QTRT2: variants seen among roughly 807,000 people sequenced by gnomAD.
The protein encoded by QTRT2 is queuine tRNA-ribosyltransferase accessory subunit 2, also known as queuine tRNA-ribosyltransferase domain containing 1.
Under a neutral mutation model 44.8 loss-of-function variants are expected in QTRT2, and 32 were observed. The observed-to-expected ratio is 0.71, with a 90% CI of 0.54 to 0.96. The LOEUF (loss-of-function observed/expected upper bound fraction) is 0.96. QTRT2 is among the 40% of genes least tolerant of loss of function. The pLI is 0.00. For synonymous variants in QTRT2, 182 were observed against 187.4 expected, an observed-to-expected ratio of 0.97 and a Z score of 0.24; for missense variants, 461 against 503.1, an observed-to-expected ratio of 0.92 and a Z score of 0.80.
intron 5 of QTRT2, 100 bp downstream of exon 5, chr3:114,068,163 C>G (rs1257213841): frequency 2.2e-6 from 2 of 919,118 alleles, no homozygotes; most frequent in Non-Finnish European, 3.6e-6. Flanking sequence ...TGGGATGATC[C>G]CTTATACCTT....
intron 2 of QTRT2, among the ~76,000 whole-genome samples, chr3:114,062,486 G>T (rs1009249388): frequency 6.6e-6 from 1 of 152,112 alleles, no homozygotes; most frequent in African/African-American, 2.4e-5. Context: ...CAATAAAATG[G>T]CAGAAGGGGT....
rs2076794151 is a variant in QTRT2, at chr3:114,056,740, A to G, written c.-254A>G. 2.2e-6 allele frequency: 3 copies of G among 1,391,676 alleles called. No homozygotes were observed. Among genetic ancestry groups the G allele is most frequent in the Admixed American group, 2.2e-5 (1 of 45,348 alleles). 86.2% of individuals were successfully genotyped at this position (1,391,676 alleles called of 1,614,324 possible). ...TTCTGGCGCCCAGTGATGACGCAGT[A>G]CTCCCTGATTGGCTCTGCACTGGAG... On this transcript the variant is annotated 5_prime_UTR_variant, in exon 1 of 10. Transcript: ENST00000281273.
chr3:114,081,559 T>C (rs921024365), intron 8 of QTRT2, among the ~76,000 whole-genome samples: 2 of 152,094 alleles, frequency 1.3e-5, no homozygotes, highest in Non-Finnish European at 2.9e-5. Flanking sequence ...CACCTCAGCC[T>C]CCCGAGTAGC....
chr3:114,083,149 A>G (rs1187577484), intron 9 of QTRT2: 1 of 260,782 alleles, frequency 3.8e-6, no homozygotes, highest in African/African-American at 2.3e-5. Flanking sequence ...TTTGTTAGAT[A>G]CAGGCTGTAA....
chr3:114,058,389 G>A (rs1344363023), intron 2 of QTRT2, among the ~76,000 whole-genome samples: 1 of 151,900 alleles, frequency 6.6e-6, no homozygotes, highest in African/African-American at 2.4e-5. Context: ...GTCATTAATC[G>A]TTTAACAGTT....
intron 8 of QTRT2, among the ~76,000 whole-genome samples, chr3:114,082,070 C>T (rs1041670718): frequency 1.1e-4 from 16 of 151,862 alleles, no homozygotes; most frequent in Non-Finnish European, 2.4e-4. Flanking sequence ...AGTCTGGGTT[C>T]CCTAGAGGGC....
chr3:114,074,867 A>G (rs1371492867), intron 6 of QTRT2, among the ~76,000 whole-genome samples: 1 of 152,242 alleles, frequency 6.6e-6, no homozygotes, highest in African/African-American at 2.4e-5. Flanking sequence ...CTATAAATGC[A>G]TATATTGCTA....
At position 114,087,509 on chromosome 3, in the gene QTRT2, G is replaced by A. The variant is rs1028808857; in HGVS notation, c.*1605G>A. 1 of 152,178 alleles carries A rather than the reference G, an allele frequency of 6.6e-6. No homozygotes were observed. Among genetic ancestry groups the A allele is most frequent in the Non-Finnish European group, 1.5e-5 (1 of 68,112 alleles). 9.4% of individuals were successfully genotyped at this position (152,178 alleles called of 1,614,324 possible). A position where few individuals can be genotyped will look rare whatever the true frequency, so the allele number is the denominator to read the frequency against. On this transcript the variant is annotated 3_prime_UTR_variant, in exon 10 of 10. Coordinates refer to ENST00000281273, the MANE Select transcript of QTRT2 (RefSeq NM_024638.4). ...TTCTCCTGCCTCAGCCTCCCGAGTAGCTGGGACTACAGGCGCCCGCCACCA... is the reference window on the plus strand; with the variant it reads ...TTCTCCTGCCTCAGCCTCCCGAGTAACTGGGACTACAGGCGCCCGCCACCA...
chr3:114,057,097 C>T lies in QTRT2; in HGVS notation c.-31C>T, dbSNP rs1443923808. The T allele has an allele frequency of 1.5e-6, 2 of 1,351,148 alleles. No individual in the cohort carries two copies. Among genetic ancestry groups the T allele is most frequent in the Non-Finnish European group, 1.9e-6 (2 of 1,053,598 alleles). The allele number at this position is 1,351,148 out of a possible 1,614,324, so 83.7% of individuals were successfully genotyped here. ...TAAAAGGGCCCCTTTCGACTAGCCT[C>T]TGCTGAAAGGTAGAGTTTTCAGGAA... On this transcript the variant is annotated 5_prime_UTR_variant, in exon 2 of 10. Transcript: ENST00000281273.
intron 9 of QTRT2, 186 bp downstream of exon 9, chr3:114,082,980 G>A (rs527829909): frequency 3.2e-5 from 18 of 569,830 alleles, no homozygotes; most frequent in Non-Finnish European, 4.5e-5. Context: ...TGTAGACTTC[G>A]TCTTGTCAGA....
Position 114,062,908 on chromosome 3 carries a change from T to C in QTRT2, c.-21-2329T>C, listed in dbSNP as rs533220948. Reference sequence around the variant, plus strand: ...TTCATGTGTGTACATTTAAACTCTTTACATACTTTACACAGCTCAGATGAG... The same window carrying C: ...TTCATGTGTGTACATTTAAACTCTTCACATACTTTACACAGCTCAGATGAG... On this transcript the variant is annotated intron_variant, in intron 2 of 9. Coordinates refer to ENST00000281273, the MANE Select transcript of QTRT2 (RefSeq NM_024638.4). 4.6e-5 allele frequency among the ~76,000 whole-genome samples: 7 copies of C among 152,374 alleles called. No homozygotes were observed. The South Asian group carries it at 1.0e-3, about 23-fold the overall frequency.
chr3:114,078,278 G>A (rs1559959949), intron 7 of QTRT2: 1 of 152,180 alleles, frequency 6.6e-6, no homozygotes, highest in African/African-American at 2.4e-5. Flanking sequence ...ACAGATGTCT[G>A]TTACTGAATT....
intron 6 of QTRT2, among the ~76,000 whole-genome samples, chr3:114,072,795 A>G (rs1344407163): frequency 6.6e-6 from 1 of 152,182 alleles, no homozygotes; most frequent in Non-Finnish European, 1.5e-5. Flanking sequence ...ATGTTTGCTG[A>G]TGGTGAATGG....
chr3:114,068,287 CA>C (rs1456570239), intron 5 of QTRT2: 19 of 394,064 alleles, frequency 4.8e-5, no homozygotes, highest in African/African-American at 1.4e-4. Context: ...TTCATTGTTG[CA>C]AAAAAATTTG....
At chr3:114,066,351 CTT>C (rs914596654) in intron 4 of QTRT2, 68 bp downstream of exon 4, 8 of 878,860 alleles carry the variant, frequency 9.1e-6, no homozygotes, top group Non-Finnish European at 1.5e-5. Context: ...GCTGTTACCT[CTT>C]TGATCTTTCA....
At chr3:114,085,548 C>T (rs2077224363) in intron 9 of QTRT2, 125 bp from the exon 10 acceptor site, 2 of 821,538 alleles carry the variant, frequency 2.4e-6, no homozygotes, top group Non-Finnish European at 4.2e-6. Flanking sequence ...AGCAGGTGCA[C>T]AGCACTGAAC....
chr3:114,067,140 A>G (rs1220811688), intron 4 of QTRT2, among the ~76,000 whole-genome samples: 2 of 152,154 alleles, frequency 1.3e-5, no homozygotes, highest in Non-Finnish European at 2.9e-5. Flanking sequence ...GTTATCACAA[A>G]GCCCTGTATT....
At chr3:114,085,461 C>G (rs1208608275) in intron 9 of QTRT2, among the ~76,000 whole-genome samples, 1 of 152,240 alleles carries the variant, frequency 6.6e-6, no homozygotes, top group Non-Finnish European at 1.5e-5. Flanking sequence ...CTGCCCCGGC[C>G]TCCCAAAATG....
intron 6 of QTRT2, among the ~76,000 whole-genome samples, chr3:114,073,841 T>A (rs961505314): frequency 3.3e-5 from 5 of 152,206 alleles, no homozygotes; most frequent in Non-Finnish European, 7.4e-5. Flanking sequence ...CGAATAGTCA[T>A]GCTAGTCGTA....
Sources: gnomAD v4.1 joint callset for allele counts (sites outside exome capture counted in the v4.1 genomes callset) on GRCh38, gnomAD v4.1.1 for gene constraint, MANE v1.5 for transcripts, NCBI Gene and HGNC (gene_info 2026-07-23, HGNC 2026-07-21) for gene names.